The following EYA2 variants were observed in gnomAD, a reference collection of about 807,000 sequenced individuals.
The protein encoded by EYA2 is EYA transcriptional coactivator and phosphatase 2.
EYA2 carries 31 observed loss-of-function variants against 69.2 expected under a neutral mutation model. The ratio of observed to expected loss-of-function variants is 0.45; its 90% CI spans 0.34 to 0.60. The LOEUF is 0.60. EYA2 is among the 20% of genes least tolerant of loss of function. The pLI is 0.02. For synonymous variants in EYA2, 257 were observed against 279.4 expected (o/e 0.92, Z 0.80); for missense variants, 622 against 701.2 (o/e 0.89, Z 1.28).
intron 7 of EYA2, among the ~76,000 whole-genome samples, chr20:47,074,606 T>G (rs1238553621): frequency 6.6e-6 from 1 of 152,204 alleles, no homozygotes; most frequent in East Asian, 1.9e-4. Flanking sequence ...TCAGAAAATT[T>G]TATAAATACC....
rs11473217 is a variant in EYA2 at position 47,112,862 on chromosome 20, C to CTTTTTTTTTTTTTT, written c.888+15708_888+15721dup. Among the ~76,000 whole-genome samples, 268 of 55,824 alleles carry CTTTTTTTTTTTTTT rather than the reference C, an allele frequency of 4.8e-3. 57 individuals are homozygous for CTTTTTTTTTTTTTT. The highest frequency in any genetic ancestry group is 7.2e-3 in the Non-Finnish European group (205 of 28,312). 36.6% of individuals were successfully genotyped at this position (55,824 alleles called of 152,430 possible). A position where few individuals can be genotyped will look rare whatever the true frequency, so the allele number is the denominator to read the frequency against. ...CAAAAGTTAGATTTCATGTTCACTC[C>CTTTTTTTTTTTTTT]TTTTTTTTTTTTTTTTTTTTTTTTT... On this transcript the variant is annotated intron_variant, in intron 9 of 15. Coordinates refer to ENST00000327619, the MANE Select transcript of EYA2 (RefSeq NM_005244.5).
intron 1 of EYA2, among the ~76,000 whole-genome samples, chr20:46,989,299 T>TA (rs1358632808): frequency 6.6e-6 from 1 of 152,052 alleles, no homozygotes; most frequent in Non-Finnish European, 1.5e-5. Flanking sequence ...TGGAGTCTCA[T>TA]TCTGTCGCGA....
intron 10 of EYA2, among the ~76,000 whole-genome samples, chr20:47,164,147 G>A (rs1387559405): frequency 6.6e-6 from 1 of 152,254 alleles, no homozygotes; most frequent in East Asian, 1.9e-4. Context: ...AGGGTCGTGG[G>A]ATTCTCTTCC....
chr20:46,911,135 G>T (rs1430718575), intron 1 of EYA2, among the ~76,000 whole-genome samples: 1 of 152,142 alleles, frequency 6.6e-6, no homozygotes, highest in Non-Finnish European at 1.5e-5. Context: ...GTAAACCAAG[G>T]TGGTCCTTGG....
intron 1 of EYA2, among the ~76,000 whole-genome samples, chr20:46,959,926 C>T (rs1015267953): frequency 2.6e-5 from 4 of 152,140 alleles, no homozygotes; most frequent in Admixed American, 2.0e-4. Context: ...AGAGACATGC[C>T]GTGGGGGGAA....
rs189157556 is a variant in EYA2, at chr20:47,037,374, C to T, written c.415+21077C>T. Among the ~76,000 whole-genome samples, 484 of 152,306 alleles carry T rather than the reference C, an allele frequency of 3.2e-3. 7 individuals carry two copies. The highest frequency in any genetic ancestry group is 3.5e-3 in the East Asian group (18 of 5,190). On this transcript the variant is annotated intron_variant, in intron 5 of 15. Transcript: ENST00000327619. ...TAAATGAGTCAAAACTCATGCAACA[C>T]TGAGAATAGACATGGCGCAAAAGAA...
intron 9 of EYA2, among the ~76,000 whole-genome samples, chr20:47,113,369 A>G (rs79093688): frequency 0.02 from 3,111 of 152,286 alleles, 102 homozygotes; most frequent in African/African-American, 0.07. Context: ...CTTCAGTCCC[A>G]GGAGAGAGGG....
chr20:47,065,587 ATTTG>A (rs910342465), intron 5 of EYA2, among the ~76,000 whole-genome samples: 2 of 152,328 alleles, frequency 1.3e-5, no homozygotes, highest in Admixed American at 1.3e-4. Context: ...AGCAATTTAA[ATTTG>A]TTTAATTTTT....
intron 10 of EYA2, among the ~76,000 whole-genome samples, chr20:47,148,111 C>A (rs1371375183): frequency 6.6e-6 from 1 of 151,788 alleles, no homozygotes; most frequent in Non-Finnish European, 1.5e-5. Context: ...GAAGGTGCCA[C>A]ATGCAGCTGT....
At chr20:46,933,086 T>C (rs190349358) in intron 1 of EYA2, among the ~76,000 whole-genome samples, 8 of 152,340 alleles carry the variant, frequency 5.3e-5, no homozygotes, top group Admixed American at 3.9e-4. Context: ...TATATCTTTA[T>C]AGCTGTGTGA....
chr20:46,997,842 C>G (rs1465737613), intron 2 of EYA2: 1 of 152,324 alleles, frequency 6.6e-6, no homozygotes, highest in African/African-American at 2.4e-5. Context: ...GAGGGCATTG[C>G]TGCCTTCATC....
At chr20:47,061,709 A>AC (rs1160296394) in intron 5 of EYA2, among the ~76,000 whole-genome samples, 8 of 152,366 alleles carry the variant, frequency 5.3e-5, no homozygotes, top group African/African-American at 1.9e-4. Flanking sequence ...AGATACGGCC[A>AC]CAGCATCCAA....
intron 1 of EYA2, among the ~76,000 whole-genome samples, chr20:46,905,647 G>T (rs1165913586): frequency 6.6e-6 from 1 of 152,212 alleles, no homozygotes; most frequent in African/African-American, 2.4e-5. Context: ...CTTGGCTATG[G>T]TGTGGGACCA....
rs1233279426 is a variant in EYA2 at position 46,938,951 on chromosome 20, C to T, written c.-11+43964C>T. 2.0e-5 allele frequency among the ~76,000 whole-genome samples: 3 copies of T among 152,202 alleles called. No individual in the cohort carries two copies. The East Asian group carries it at 5.8e-4, about 29-fold the overall frequency. On this transcript the variant is annotated intron_variant, in intron 1 of 15. Transcript: ENST00000327619. ...ATACTGTACTACTACCTAACATTCA[C>T]TCTGTATTCAAATTCTCCCAGATGT... is the stretch of plus-strand genomic sequence containing the variant.
intron 9 of EYA2, among the ~76,000 whole-genome samples, chr20:47,107,322 C>G (rs1032914832): frequency 6.6e-6 from 1 of 151,662 alleles, no homozygotes. Flanking sequence ...GCCAGGAGTT[C>G]GAGACCAGCC....
chr20:47,173,111 G>C (rs544780274), intron 12 of EYA2, among the ~76,000 whole-genome samples: 1 of 152,256 alleles, frequency 6.6e-6, no homozygotes, highest in East Asian at 1.9e-4. Context: ...CACAAATGGC[G>C]CGGGGTGGAC....
chr20:47,035,297 C>T lies in EYA2; in HGVS notation c.415+19000C>T, dbSNP rs141938909. Among the ~76,000 whole-genome samples, 48 of 152,264 alleles carry T rather than the reference C, an allele frequency of 3.2e-4. No homozygotes were observed. In the East Asian group the frequency reaches 8.9e-3, roughly 28 times the overall value. On this transcript the variant is annotated intron_variant, in intron 5 of 15. Coordinates refer to ENST00000327619, the MANE Select transcript of EYA2 (RefSeq NM_005244.5). ...ACGGTGGCGGCAAAGATGGTCTAGG[C>T]CCCAGCAAGTGAGGCAGCAAGAGGC... is the stretch of plus-strand genomic sequence containing the variant.
At position 47,136,910 on chromosome 20, in the gene EYA2, G is replaced by A. The variant is rs117151985; in HGVS notation, c.889-6149G>A. On this transcript the variant is annotated intron_variant, in intron 9 of 15. Transcript: ENST00000327619. ...CCACACCATCATAAAAACTGAACCC[G>A]GAGAAATCTGTAGAACATTAGGGCA... Among the ~76,000 whole-genome samples, 1,397 of 152,182 alleles carry A rather than the reference G, an allele frequency of 9.2e-3. 27 individuals carry two copies. The highest frequency in any genetic ancestry group is 0.044 in the Middle Eastern group (13 of 294).
chr20:47,144,352 CAAAA>C (rs11304780), intron 10 of EYA2, among the ~76,000 whole-genome samples: 5 of 116,382 alleles, frequency 4.3e-5, no homozygotes, highest in Non-Finnish European at 7.4e-5. Flanking sequence ...AAGACACCAT[CAAAA>C]AAAAAAAAAA....
Sources: allele counts gnomAD v4.1 joint callset (sites outside exome capture counted in the v4.1 genomes callset), GRCh38; gene constraint gnomAD v4.1.1; transcripts MANE v1.5; gene names NCBI Gene and HGNC (gene_info 2026-07-23, HGNC 2026-07-21).